Variants in WDR70 observed in about 807,000 individuals in gnomAD.
WDR70 encodes WD repeat domain 70, also known as WD repeat-containing protein 70.
A neutral mutation model predicts 88.6 loss-of-function variants in WDR70; 53 were observed. The observed-to-expected ratio is 0.60, with a 90% CI of 0.48 to 0.75. The LOEUF (loss-of-function observed/expected upper bound fraction) is 0.75, where lower values mean the gene tolerates loss of function less well. Among genes scored for constraint, WDR70 ranks in the 30% least tolerant of loss-of-function variants. WDR70 has a pLI of 0.00. For missense variants in WDR70, 610 were observed against 823.2 expected (o/e 0.74, Z 3.17); for synonymous variants, 280 against 270.0 (o/e 1.04, Z -0.36).
At chr5:37,397,802 G>T (rs187032031) in intron 5 of WDR70, among the ~76,000 whole-genome samples, 75 of 152,140 alleles carry the variant, frequency 4.9e-4, no homozygotes, top group Non-Finnish European at 8.4e-4. Flanking sequence ...AGACCATCCT[G>T]GCCAACATGG....
At chr5:37,496,321 T>C (rs576893188) in intron 8 of WDR70, among the ~76,000 whole-genome samples, 1 of 152,306 alleles carries the variant, frequency 6.6e-6, no homozygotes, top group South Asian at 2.1e-4. Flanking sequence ...TTGCTGCTGC[T>C]CACTCTGGGT....
intron 10 of WDR70, among the ~76,000 whole-genome samples, chr5:37,680,830 G>A (rs919530827): frequency 6.6e-6 from 1 of 152,180 alleles, no homozygotes; most frequent in Non-Finnish European, 1.5e-5. Flanking sequence ...GTTGGGTAGT[G>A]TGATGCATCC....
chr5:37,743,815 A>T lies in WDR70; in HGVS notation c.1878-8671A>T, dbSNP rs2972941. On this transcript the variant is annotated intron_variant, in intron 17 of 17. Coordinates refer to ENST00000265107, the MANE Select transcript of WDR70 (RefSeq NM_018034.4). Reference sequence around the variant, plus strand: ...CAGGAGGGGTGGCCTTAGTCTTTGCAGACCAACAGACTTTGCCTTTTCTCC... The same window carrying T: ...CAGGAGGGGTGGCCTTAGTCTTTGCTGACCAACAGACTTTGCCTTTTCTCC... Among the ~76,000 whole-genome samples the T allele has an allele frequency of 4.1e-3, 622 of 152,230 alleles. 3 individuals carry two copies. The highest frequency in any genetic ancestry group is 6.8e-3 in the Non-Finnish European group (464 of 68,032).
chr5:37,569,742 A>G (rs1742846721), intron 9 of WDR70, among the ~76,000 whole-genome samples: 2 of 152,300 alleles, frequency 1.3e-5, no homozygotes, highest in South Asian at 4.1e-4. Flanking sequence ...CAGCAAGGTA[A>G]AATACAGTGG....
At chr5:37,494,678 A>G (rs1368559045) in intron 8 of WDR70, among the ~76,000 whole-genome samples, 2 of 152,230 alleles carry the variant, frequency 1.3e-5, no homozygotes, top group Admixed American at 6.5e-5. Context: ...AAATATTGAG[A>G]GTTCAGGATT....
chr5:37,749,903 T>C (rs1748755355), intron 17 of WDR70, among the ~76,000 whole-genome samples: 1 of 152,148 alleles, frequency 6.6e-6, no homozygotes, highest in African/African-American at 2.4e-5. Flanking sequence ...TCATGGCTGC[T>C]AGGAAATTCA....
intron 9 of WDR70, among the ~76,000 whole-genome samples, chr5:37,564,592 G>GGAGGGAGAGGGAGAA (rs1742680500): frequency 6.8e-6 from 1 of 147,806 alleles, no homozygotes; most frequent in Admixed American, 6.6e-5. Context: ...GAGAGGGAGA[G>GGAGGGAGAGGGAGAA]GAGGGAGAGG....
chr5:37,705,433 G>A (rs982836644), intron 13 of WDR70, among the ~76,000 whole-genome samples: 5 of 152,114 alleles, frequency 3.3e-5, no homozygotes, highest in African/African-American at 9.7e-5. Flanking sequence ...ATAGATGGAT[G>A]AAGAGAGAAC....
chr5:37,512,582 A>G (rs889063112), intron 8 of WDR70, among the ~76,000 whole-genome samples: 2 of 139,442 alleles, frequency 1.4e-5, no homozygotes, highest in African/African-American at 5.0e-5. Flanking sequence ...TTGCATCTAG[A>G]ATTTTTTTTT....
intron 9 of WDR70, among the ~76,000 whole-genome samples, chr5:37,533,798 GTCACAGACCTGTCTCCACTC>G (rs1741572954): frequency 6.6e-6 from 1 of 152,116 alleles, no homozygotes; most frequent in South Asian, 2.1e-4. Flanking sequence ...AAAGCCTGCA[GTCACAGACCTGTCTCCACTC>G]CCATGCAGTC....
chr5:37,745,105 T>A (rs1388502207), intron 17 of WDR70, among the ~76,000 whole-genome samples: 6 of 152,162 alleles, frequency 3.9e-5, no homozygotes, highest in Admixed American at 2.6e-4. Context: ...CAGAAGAGAT[T>A]GCGGGCCAAT....
At chr5:37,632,196 G>A (rs1464629411) in intron 10 of WDR70, among the ~76,000 whole-genome samples, 1 of 152,098 alleles carries the variant, frequency 6.6e-6, no homozygotes. Context: ...AGTGATGCTG[G>A]TATAAACAAA....
At chr5:37,690,324 G>T (rs1442354724) in intron 10 of WDR70, among the ~76,000 whole-genome samples, 1 of 152,158 alleles carries the variant, frequency 6.6e-6, no homozygotes, top group African/African-American at 2.4e-5. Flanking sequence ...ACCTAGCAAG[G>T]CAGGCCAACA....
At chr5:37,575,367 G>C (rs949908059) in intron 9 of WDR70, among the ~76,000 whole-genome samples, 2 of 152,140 alleles carry the variant, frequency 1.3e-5, no homozygotes, top group African/African-American at 4.8e-5. Context: ...ATAGAAGCAT[G>C]TTTTGTGCTA....
At chr5:37,617,045 G>A (rs2112497202) in intron 10 of WDR70, among the ~76,000 whole-genome samples, 1 of 152,266 alleles carries the variant, frequency 6.6e-6, no homozygotes, top group Admixed American at 6.5e-5. Context: ...GTATTAACAA[G>A]TGATATTTAA....
At chr5:37,537,871 A>C (rs964852345) in intron 9 of WDR70, among the ~76,000 whole-genome samples, 1 of 152,204 alleles carries the variant, frequency 6.6e-6, no homozygotes, top group Non-Finnish European at 1.5e-5. Context: ...AACAACTAGC[A>C]TCTGATCAGG....
At chr5:37,656,857 A>G (rs1347850918) in intron 10 of WDR70, among the ~76,000 whole-genome samples, 1 of 152,206 alleles carries the variant, frequency 6.6e-6, no homozygotes, top group Non-Finnish European at 1.5e-5. Flanking sequence ...GAGAATTTCA[A>G]GCCAGCGGAT....
chr5:37,398,093 T>TAACACC (rs1749080993), intron 5 of WDR70, among the ~76,000 whole-genome samples: 1 of 16,288 alleles, frequency 6.1e-5, no homozygotes, highest in African/African-American at 1.1e-4. Flanking sequence ...GATAATTTTT[T>TAACACC]TTTTTTTTTT....
chr5:37,484,410 T>A (rs1028431698), intron 8 of WDR70, among the ~76,000 whole-genome samples: 5 of 152,008 alleles, frequency 3.3e-5, no homozygotes, highest in African/African-American at 1.2e-4. Flanking sequence ...TGAAAACCAG[T>A]CAGGCGTGGC....
Sources: gnomAD v4.1 joint callset for allele counts (sites outside exome capture counted in the v4.1 genomes callset) on GRCh38, gnomAD v4.1.1 for gene constraint, MANE v1.5 for transcripts, NCBI Gene and HGNC (gene_info 2026-07-23, HGNC 2026-07-21) for gene names.